BDKRB2: variants seen among roughly 807,000 people sequenced by gnomAD.
The protein encoded by BDKRB2 is B2 bradykinin receptor.
In BDKRB2, 6 loss-of-function variants were observed where a neutral mutation model predicts 4.0. The ratio of observed to expected loss-of-function variants is 1.49; its 90% CI spans 0.81 to 2.93. BDKRB2 has a LOEUF of 2.93. BDKRB2 is among the 30% of genes most tolerant of loss of function. The probability of loss-of-function intolerance (pLI) is 0.00; values close to 1 mark genes in which losing one functional copy is unlikely to be tolerated. For missense variants in BDKRB2, 478 were observed against 520.1 expected (o/e 0.92, Z 0.79); for synonymous variants, 225 against 215.3 (o/e 1.05, Z -0.40).
chr14:96,239,608 C>T, intron 2 of BDKRB2: 1 of 982,602 alleles, frequency 1.0e-6, no homozygotes, highest in Non-Finnish European at 1.2e-6. Context: ...GTTTATTGAG[C>T]CTAGTGCAGT....
At chr14:96,224,369 C>T (rs1430560585) in intron 1 of BDKRB2, among the ~76,000 whole-genome samples, 3 of 152,226 alleles carry the variant, frequency 2.0e-5, no homozygotes, top group Non-Finnish European at 2.9e-5. Flanking sequence ...GTCTTGCTAG[C>T]TGTGCCTCTG....
At chr14:96,208,937 G>A (rs1890246041) in intron 1 of BDKRB2, among the ~76,000 whole-genome samples, 2 of 152,200 alleles carry the variant, frequency 1.3e-5, no homozygotes, top group South Asian at 4.1e-4. Context: ...CTGAGGGGAC[G>A]CCCGTGGGGT....
chr14:96,224,797 G>T (rs552889954), intron 1 of BDKRB2, among the ~76,000 whole-genome samples: 1 of 152,278 alleles, frequency 6.6e-6, no homozygotes, highest in South Asian at 2.1e-4. Flanking sequence ...GCGTAACATT[G>T]GCAGAACCAG....
rs139203012 is a variant in BDKRB2, at chr14:96,240,950, G to A, written c.622G>A (p.Val208Ile). 4.8e-5 allele frequency: 77 copies of A among 1,592,304 alleles called. No homozygotes were observed. In the African/African-American group the frequency reaches 7.9e-4, roughly 16 times the overall value. The change falls in exon 3 of 3, where the codon GTC (valine) becomes ATC (isoleucine). Residue 208 changes from valine to isoleucine, a missense_variant. By Grantham distance (29) the Val-to-Ile change is conservative (BLOSUM62 3). Transcript: ENST00000554311. ...GGAGTACAGCGATGAGGGCCACAAC[G>A]TCACCGCTTGTGTCATCAGCTACCC... Reference protein sequence around the residue: ...MKEYSDEGHNVTACVISYPSL... With the variant: ...MKEYSDEGHNITACVISYPSL...
At chr14:96,207,620 A>T (rs976375963) in intron 1 of BDKRB2, among the ~76,000 whole-genome samples, 1 of 152,114 alleles carries the variant, frequency 6.6e-6, no homozygotes, top group African/African-American at 2.4e-5. Context: ...GGTGATGATG[A>T]TGTGTCAACG....
chr14:96,213,175 G>A (rs1212098080), intron 1 of BDKRB2, among the ~76,000 whole-genome samples: 3 of 152,158 alleles, frequency 2.0e-5, no homozygotes, highest in Non-Finnish European at 4.4e-5. Context: ...CAATAGGACT[G>A]TGTATGAAAG....
intron 2 of BDKRB2, chr14:96,239,916 G>T: frequency 3.0e-6 from 3 of 986,078 alleles, no homozygotes; most frequent in South Asian, 4.7e-5. Context: ...AGGCAGATGG[G>T]CTGGCCATGG....
intron 1 of BDKRB2, among the ~76,000 whole-genome samples, chr14:96,230,490 G>A (rs1312327221): frequency 6.6e-6 from 1 of 151,934 alleles, no homozygotes; most frequent in African/African-American, 2.4e-5. Flanking sequence ...TGCCTCCTGG[G>A]TTCAAGTGAT....
chr14:96,237,572 A>C, intron 2 of BDKRB2: 1 of 1,121,638 alleles, frequency 8.9e-7, no homozygotes, highest in African/African-American at 1.6e-5. Flanking sequence ...GGAGATCAGA[A>C]CACCCTAAAG....
Position 96,237,088 on chromosome 14 carries a change from A to G in BDKRB2, c.-20A>G, listed in dbSNP as rs1413929175. The G allele has an allele frequency of 1.2e-6, 2 of 1,606,604 alleles. No individual in the cohort carries two copies. The highest frequency in any genetic ancestry group is 1.7e-6 in the Non-Finnish European group (2 of 1,173,144). On this transcript the variant is annotated 5_prime_UTR_variant, in exon 2 of 3. Transcript: ENST00000554311. ...GTTCAGCCCAGGTGTGGCCTCACTCACATCCCACTCTGAGTCCAAATGTTC... is the reference window on the plus strand; with the variant it reads ...GTTCAGCCCAGGTGTGGCCTCACTCGCATCCCACTCTGAGTCCAAATGTTC...
rs898098407 is a variant in BDKRB2 at position 96,236,054 on chromosome 14, G to A, written c.-39-1015G>A. ...GAGCCCATGCCTCCCTCCCTGGATG[G>A]GAGTGATGTGAAACTTGAAGAGGGG... On this transcript the variant is annotated intron_variant, in intron 1 of 2. Transcript: ENST00000554311. Among the ~76,000 whole-genome samples the A allele has an allele frequency of 2.7e-4, 41 of 152,148 alleles. 1 individual carries two copies. The highest frequency in any genetic ancestry group is 9.7e-4 in the African/African-American group (40 of 41,420).
rs1333678733 is a variant in BDKRB2 at position 96,237,825 on chromosome 14, T to C, written c.74+644T>C. On this transcript the variant is annotated intron_variant, in intron 2 of 2. Transcript: ENST00000554311. ...AGCAGGCATCTTTCTGATGATCCGA[T>C]GGCTTCTCAGAGCCAGGGATGGGCC... is the stretch of plus-strand genomic sequence containing the variant. 5 of 1,289,792 alleles carry C rather than the reference T, an allele frequency of 3.9e-6. No individual in the cohort carries two copies. The Admixed American group carries it at 6.9e-5, about 18-fold the overall frequency. The allele number at this position is 1,289,792 out of a possible 1,614,324, so 79.9% of individuals were successfully genotyped here. A position where few individuals can be genotyped will look rare whatever the true frequency, so the allele number is the denominator to read the frequency against.
intron 1 of BDKRB2, among the ~76,000 whole-genome samples, chr14:96,232,884 C>A (rs758291572): frequency 3.3e-5 from 5 of 152,214 alleles, no homozygotes; most frequent in Non-Finnish European, 5.9e-5. Flanking sequence ...GGAAAAATAT[C>A]TTTTCCTTCT....
At chr14:96,210,045 G>A (rs764919889) in intron 1 of BDKRB2, among the ~76,000 whole-genome samples, 4 of 151,698 alleles carry the variant, frequency 2.6e-5, no homozygotes, top group Non-Finnish European at 4.4e-5. Context: ...ATAGCATATA[G>A]GAAGCTGTCA....
chr14:96,241,488 C>T lies in BDKRB2; in HGVS notation c.1160C>T (p.Ala387Val), dbSNP rs1357593533. 2 of 1,545,838 alleles carry T rather than the reference C, an allele frequency of 1.3e-6. No individual in the cohort carries two copies. The highest frequency in any genetic ancestry group is 1.7e-6 in the Non-Finnish European group (2 of 1,153,332). Residue 387 changes from alanine to valine, a missense_variant, in exon 3 of 3, where the codon GCA becomes GTA. Coordinates refer to ENST00000554311, the MANE Select transcript of BDKRB2 (RefSeq NM_001379692.1). ...ERQIHKLQDW[A>V]GSRQ ...CAGATTCACAAACTGCAGGACTGGG[C>T]AGGGAGCAGACAGTGAGCAAACGCC...
chr14:96,230,676 G>A (rs569036794), intron 1 of BDKRB2, among the ~76,000 whole-genome samples: 2 of 151,194 alleles, frequency 1.3e-5, no homozygotes, highest in East Asian at 1.9e-4. Flanking sequence ...GGAGTGCAAC[G>A]GTGGGATCTC....
chr14:96,221,537 A>G (rs1293052478), intron 1 of BDKRB2, among the ~76,000 whole-genome samples: 1 of 152,090 alleles, frequency 6.6e-6, no homozygotes, highest in African/African-American at 2.4e-5. Context: ...CCTTGGAACC[A>G]GTGTGGTTGA....
chr14:96,214,503 C>T (rs1185615665), intron 1 of BDKRB2: 3 of 152,336 alleles, frequency 2.0e-5, no homozygotes, highest in African/African-American at 7.2e-5. Flanking sequence ...AGGCCACACA[C>T]TTACAGTCCC....
intron 1 of BDKRB2, among the ~76,000 whole-genome samples, chr14:96,210,664 A>G (rs1890283226): frequency 6.6e-6 from 1 of 152,142 alleles, no homozygotes; most frequent in African/African-American, 2.4e-5. Context: ...GGGTCTGGCT[A>G]ATGTCTAAGG....
Sources: gnomAD v4.1 joint callset for allele counts (sites outside exome capture counted in the v4.1 genomes callset) on GRCh38, gnomAD v4.1.1 for gene constraint, MANE v1.5 for transcripts, NCBI Gene and HGNC (gene_info 2026-07-23, HGNC 2026-07-21) for gene names.